The following TEX11 variants were observed in gnomAD, a reference collection of about 807,000 sequenced individuals.
The protein encoded by TEX11 is testis expressed 11.
In TEX11, 7 loss-of-function variants were observed where a neutral mutation model predicts 84.4. That is an observed-to-expected ratio of 0.08 (90% CI 0.05 to 0.16). The LOEUF is 0.16. Among genes scored for constraint, TEX11 ranks in the 10% least tolerant of loss-of-function variants. The pLI, the probability that TEX11 is intolerant of heterozygous loss-of-function variation, is 1.00. For missense variants in TEX11, 551 were observed against 660.5 expected, an observed-to-expected ratio of 0.83 and a Z score of 1.82; for synonymous variants, 264 against 222.8, an observed-to-expected ratio of 1.18 and a Z score of -1.64.
chrX:70,624,318 A>G (rs1229742220), intron 19 of TEX11, among the ~76,000 whole-genome samples: 1 of 111,699 alleles, frequency 9.0e-6, no homozygotes, highest in Non-Finnish European at 1.9e-5. Flanking sequence ...CTAGAACATC[A>G]GGTATGGTAA....
chrX:70,880,413 G>A (rs751645555), intron 2 of TEX11, among the ~76,000 whole-genome samples: 3 of 111,253 alleles, frequency 2.7e-5, no homozygotes, highest in Non-Finnish European at 3.8e-5. Flanking sequence ...GTACAAAACA[G>A]GCCAAGCATG....
intron 24 of TEX11, among the ~76,000 whole-genome samples, chrX:70,596,147 G>A (rs2089003802): frequency 1.8e-5 from 2 of 111,349 alleles, no homozygotes; most frequent in African/African-American, 6.5e-5. Context: ...AGCAAAACTG[G>A]GTAGAATTGA....
intron 2 of TEX11, among the ~76,000 whole-genome samples, chrX:70,906,123 ATATATATAT>A (rs2091832461): frequency 3.0e-5 from 2 of 66,023 alleles, no homozygotes; most frequent in Admixed American, 2.0e-4. Flanking sequence ...ATATATATAT[ATATATATAT>A]ATCACAATGC....
chrX:70,584,824 G>T (rs2088831918), intron 25 of TEX11, among the ~76,000 whole-genome samples: 1 of 111,706 alleles, frequency 9.0e-6, no homozygotes. Context: ...ATCATGTGAT[G>T]AAATCCAAAA....
At chrX:70,648,476 T>A (rs1286247245) in intron 17 of TEX11, among the ~76,000 whole-genome samples, 1 of 110,749 alleles carries the variant, frequency 9.0e-6, no homozygotes, top group Non-Finnish European at 1.9e-5. Context: ...ATAATTTTTA[T>A]TTGCCAATTA....
chrX:70,756,955 G>A (rs1478051124), intron 9 of TEX11, among the ~76,000 whole-genome samples: 2 of 112,149 alleles, frequency 1.8e-5, no homozygotes, highest in Admixed American at 1.9e-4. Flanking sequence ...ACCACAGCAC[G>A]AAAACTTCAT....
At chrX:70,518,853 C>T in the TEX11 span, among the ~76,000 whole-genome samples, 2 of 111,908 alleles carry the variant, frequency 1.8e-5, no homozygotes, top group Non-Finnish European at 3.8e-5. Context: ...TTGAATTGAT[C>T]CCTTTACCAT....
chrX:70,632,671 T>C (rs2089524622), intron 17 of TEX11, among the ~76,000 whole-genome samples: 1 of 111,611 alleles, frequency 9.0e-6, no homozygotes, highest in African/African-American at 3.3e-5. Context: ...ATTGACCTTC[T>C]ACACTGATTG....
intron 8 of TEX11, among the ~76,000 whole-genome samples, chrX:70,829,481 CAA>C (rs60664977): frequency 6.2e-4 from 45 of 72,879 alleles, no homozygotes; most frequent in East Asian, 5.0e-3. Flanking sequence ...CATTCCGTCT[CAA>C]AAAAAAAAAA....
At chrX:70,732,405 T>C (rs1251752236) in intron 11 of TEX11, among the ~76,000 whole-genome samples, 3 of 111,589 alleles carry the variant, frequency 2.7e-5, no homozygotes, top group Non-Finnish European at 3.8e-5. Flanking sequence ...GAAAACCCCA[T>C]CGTCTCAGCC....
chrX:70,681,997 T>C (rs983473561), intron 14 of TEX11, among the ~76,000 whole-genome samples: 1 of 111,981 alleles, frequency 8.9e-6, no homozygotes, highest in Non-Finnish European at 1.9e-5. Context: ...CCATTCAGAA[T>C]AAACCCCAGA....
chrX:70,786,276 A>C (rs1006082099), intron 9 of TEX11, among the ~76,000 whole-genome samples: 1 of 110,991 alleles, frequency 9.0e-6, no homozygotes. Context: ...CCATGAGAAC[A>C]CTTGGACACA....
intron 11 of TEX11, among the ~76,000 whole-genome samples, chrX:70,727,136 A>G (rs1467337727): frequency 4.5e-5 from 5 of 111,564 alleles, no homozygotes; most frequent in Middle Eastern, 4.7e-3. Flanking sequence ...TAACTTACCC[A>G]TGGTCACACA....
intron 17 of TEX11, among the ~76,000 whole-genome samples, chrX:70,634,913 G>C (rs898732114): frequency 3.6e-5 from 4 of 111,791 alleles, no homozygotes; most frequent in African/African-American, 1.3e-4. Flanking sequence ...AAAATAAATA[G>C]GACTATGTCG....
At position 70,624,002 on chromosome X, in the gene TEX11, A is replaced by G. The variant is rs2089424103; in HGVS notation, c.1699T>C (p.Leu567=). The G allele has an allele frequency of 2.5e-6, 3 of 1,202,223 alleles. No homozygotes were observed. In the South Asian group the frequency reaches 5.4e-5, roughly 22 times the overall value. ...QEQVLTAVKC[L]LRFLLPKIAE... The stretch of plus-strand genomic sequence containing the variant: ...ATTTTTGGAAGAAGAAAACGAAGCA[A>G]ACACCTGTATGACAAAGTAATATGG... The change falls in exon 20 of 30, where the codon TTG becomes CTG. Residue 567 remains leucine, a synonymous_variant. Coordinates refer to ENST00000374333, the MANE Select transcript of TEX11 (RefSeq NM_031276.3).
At chrX:70,713,129 C>G (rs2090456397) in intron 13 of TEX11, among the ~76,000 whole-genome samples, 1 of 111,811 alleles carries the variant, frequency 8.9e-6, no homozygotes, top group African/African-American at 3.3e-5. Context: ...CCTCGCATCC[C>G]AGGGATGAAG....
chrX:70,812,630 A>C (rs1343591156), intron 8 of TEX11, among the ~76,000 whole-genome samples: 1 of 111,059 alleles, frequency 9.0e-6, no homozygotes, highest in African/African-American at 3.3e-5. Context: ...GACACAAAAA[A>C]CCCTTCAAAA....
chrX:70,643,654 A>T (rs2089695968), intron 17 of TEX11, among the ~76,000 whole-genome samples: 1 of 107,608 alleles, frequency 9.3e-6, no homozygotes, highest in South Asian at 4.1e-4. Flanking sequence ...AAACCTGAGA[A>T]AAACAAGCAA....
intron 10 of TEX11, among the ~76,000 whole-genome samples, chrX:70,743,868 C>G (rs1479827623): frequency 1.6e-5 from 1 of 61,693 alleles, no homozygotes; most frequent in African/African-American, 6.2e-5. Context: ...GACTCTATCT[C>G]AAAACACACA....
Sources: allele counts gnomAD v4.1 joint callset (sites outside exome capture counted in the v4.1 genomes callset), GRCh38; gene constraint gnomAD v4.1.1; transcripts MANE v1.5; gene names NCBI Gene and HGNC (gene_info 2026-07-23, HGNC 2026-07-21).